Variants in WDPCP observed in about 807,000 individuals in gnomAD.
WDPCP encodes WD repeat-containing and planar cell polarity effector protein fritz homolog.
WDPCP carries 71 observed loss-of-function variants against 93.1 expected under a neutral mutation model. The ratio of observed to expected loss-of-function variants is 0.76; its 90% CI spans 0.63 to 0.93. WDPCP has a LOEUF of 0.93. Ranked by LOEUF, WDPCP falls within the 40% of genes least tolerant of loss-of-function variation. The pLI, the probability that WDPCP is intolerant of heterozygous loss-of-function variation, is 0.00. For synonymous variants in WDPCP, 315 were observed against 315.0 expected, an observed-to-expected ratio of 1.00 and a Z score of 0.00; for missense variants, 844 against 887.4, an observed-to-expected ratio of 0.95 and a Z score of 0.62.
chr2:63,388,871 T>A (rs1575301612), intron 10 of WDPCP, among the ~76,000 whole-genome samples: 1 of 152,030 alleles, frequency 6.6e-6, no homozygotes, highest in East Asian at 1.9e-4. Context: ...AAGAAACGAA[T>A]AAAGACTCCA....
chr2:63,612,918 CCTTT>C (rs1240229426), intron 3 of WDPCP, among the ~76,000 whole-genome samples: 53 of 150,696 alleles, frequency 3.5e-4, no homozygotes, highest in African/African-American at 8.8e-4. Context: ...CTTTTCTTTT[CCTTT>C]CTTTCTTTCT....
intron 2 of WDPCP, among the ~76,000 whole-genome samples, chr2:63,700,175 G>C (rs1486125254): frequency 6.7e-6 from 1 of 150,062 alleles, no homozygotes; most frequent in Non-Finnish European, 1.5e-5. Flanking sequence ...CCAGCTACTT[G>C]AGAGGCTGAA....
chr2:63,593,919 A>C (rs563939081), intron 3 of WDPCP, among the ~76,000 whole-genome samples: 1 of 152,312 alleles, frequency 6.6e-6, no homozygotes, highest in South Asian at 2.1e-4. Context: ...TGCTTTTAAA[A>C]ATAATTTTCC....
chr2:63,573,947 G>A (rs1272442994), intron 1 of WDPCP, among the ~76,000 whole-genome samples: 1 of 152,096 alleles, frequency 6.6e-6, no homozygotes, highest in Non-Finnish European at 1.5e-5. Flanking sequence ...AGCACTCCCA[G>A]GCTTATTAGG....
At chr2:63,656,284 G>T (rs1001405665) in intron 2 of WDPCP, among the ~76,000 whole-genome samples, 1 of 152,182 alleles carries the variant, frequency 6.6e-6, no homozygotes, top group Non-Finnish European at 1.5e-5. Context: ...GCCATACCCT[G>T]ATTGCCTCCC....
At chr2:63,808,301 TCCCTCTCCCCTCTCCCTCTC>T (rs999762939) in intron 2 of WDPCP, among the ~76,000 whole-genome samples, 4 of 145,166 alleles carry the variant, frequency 2.8e-5, no homozygotes, top group African/African-American at 1.0e-4. Flanking sequence ...CCTCTCCCTC[TCCCTCTCCCCTCTCCCTCTC>T]CCCTCTCCCC....
At chr2:63,687,555 T>C (rs757429615) in intron 2 of WDPCP, among the ~76,000 whole-genome samples, 7 of 152,086 alleles carry the variant, frequency 4.6e-5, no homozygotes, top group African/African-American at 1.2e-4. Flanking sequence ...AAAGAAGACA[T>C]ACAAACAACA....
intron 2 of WDPCP, among the ~76,000 whole-genome samples, chr2:63,777,273 A>T (rs1340720891): frequency 6.6e-6 from 1 of 152,214 alleles, no homozygotes; most frequent in Non-Finnish European, 1.5e-5. Flanking sequence ...AATTAAAACC[A>T]TACCTACTAG....
chr2:63,801,234 T>C (rs1284337496), intron 2 of WDPCP, among the ~76,000 whole-genome samples: 6 of 152,176 alleles, frequency 3.9e-5, no homozygotes, highest in African/African-American at 1.4e-4. Context: ...GGTTAAAAAA[T>C]ACATTTCCAA....
intron 2 of WDPCP, among the ~76,000 whole-genome samples, chr2:63,688,851 G>T (rs930970007): frequency 6.6e-6 from 1 of 152,110 alleles, no homozygotes; most frequent in Non-Finnish European, 1.5e-5. Flanking sequence ...CCTTTAAAAG[G>T]TGATTAGGTC....
At chr2:63,561,397 GA>G (rs1706608266) in intron 1 of WDPCP, among the ~76,000 whole-genome samples, 1 of 151,868 alleles carries the variant, frequency 6.6e-6, no homozygotes, top group African/African-American at 2.4e-5. Context: ...AGAATTGCTT[GA>G]ACCCGGGAGG....
rs1295089252 is a variant in WDPCP at position 63,404,479 on chromosome 2, G to A, written c.1004C>T (p.Pro335Leu). Residue 335 changes from proline (P) to leucine (L), a missense_variant, in exon 10 of 18, where the codon CCA (proline) becomes CTA (leucine). Pro to Leu is a moderately conservative substitution (Grantham distance 98). Transcript: ENST00000272321. ...GCAGCTGATGGCCTTTGACTTTAGT[G>A]GTATTCTGGTGACTGACACACACTG... ...KIQCVSVTRIPLKSKAISCCR... is the reference protein window; with the variant it reads ...KIQCVSVTRILLKSKAISCCR... The A allele has an allele frequency of 3.7e-6, 6 of 1,614,086 alleles. No homozygotes were observed. The highest frequency in any genetic ancestry group is 5.1e-6 in the Non-Finnish European group (6 of 1,180,006).
At chr2:63,718,941 A>G (rs1340333848) in intron 2 of WDPCP, among the ~76,000 whole-genome samples, 3 of 152,248 alleles carry the variant, frequency 2.0e-5, no homozygotes, top group African/African-American at 2.4e-5. Context: ...AAGGAGATAC[A>G]TTAGTCATAA....
At position 63,631,110 on chromosome 2, in the gene WDPCP, T is replaced by C. The variant is rs143365832; in HGVS notation, n.488+19549A>G. The stretch of plus-strand genomic sequence containing the variant: ...AGCCTGGCCAAATGGTCAAACCCCA[T>C]CTCTACTAAAAATACAAAAAATTAG... On this transcript the variant is annotated intron_variant and non_coding_transcript_variant, in intron 3 of 4. Coordinates refer to the WDPCP transcript ENST00000467687. Among the ~76,000 whole-genome samples the C allele has an allele frequency of 5.6e-3, 856 of 152,110 alleles. 3 individuals are homozygous for C. The highest frequency in any genetic ancestry group is 0.044 in the Middle Eastern group (13 of 294).
intron 12 of WDPCP, among the ~76,000 whole-genome samples, chr2:63,332,515 C>T (rs1382168826): frequency 6.6e-6 from 1 of 152,038 alleles, no homozygotes; most frequent in Non-Finnish European, 1.5e-5. Context: ...CATGTGCTAC[C>T]TAGACATCCA....
At chr2:63,594,133 G>C (rs1709256741) in intron 3 of WDPCP, among the ~76,000 whole-genome samples, 1 of 152,128 alleles carries the variant, frequency 6.6e-6, no homozygotes, top group Non-Finnish European at 1.5e-5. Context: ...GATGGGAGTG[G>C]GGGCTTTGCA....
chr2:63,712,681 G>C (rs1217256633), intron 2 of WDPCP, among the ~76,000 whole-genome samples: 1 of 152,134 alleles, frequency 6.6e-6, no homozygotes, highest in African/African-American at 2.4e-5. Flanking sequence ...TTCTCCACAG[G>C]CATAATCATT....
chr2:63,550,349 A>G (rs1336285957), intron 1 of WDPCP, among the ~76,000 whole-genome samples: 1 of 152,130 alleles, frequency 6.6e-6, no homozygotes, highest in Non-Finnish European at 1.5e-5. Context: ...TATTTTCACC[A>G]CAAAAGGAAA....
At chr2:63,483,002 G>A (rs1700359227) in intron 6 of WDPCP, among the ~76,000 whole-genome samples, 1 of 151,704 alleles carries the variant, frequency 6.6e-6, no homozygotes, top group South Asian at 2.1e-4. Context: ...AATAGTGAGG[G>A]ACATTCTTCT....
Sources: allele counts gnomAD v4.1 joint callset (sites outside exome capture counted in the v4.1 genomes callset), GRCh38; gene constraint gnomAD v4.1.1; transcripts MANE v1.5; gene names NCBI Gene and HGNC (gene_info 2026-07-23, HGNC 2026-07-21).